Variants in MAPK8IP3 observed in about 807,000 individuals in gnomAD.
The protein encoded by MAPK8IP3 is C-Jun-amino-terminal kinase-interacting protein 3.
A neutral mutation model predicts 157.8 loss-of-function variants in MAPK8IP3; 49 were observed. That is an observed-to-expected ratio of 0.31 (90% CI 0.25 to 0.39). MAPK8IP3 has a LOEUF of 0.39. Ranked by LOEUF, MAPK8IP3 falls within the 10% of genes least tolerant of loss-of-function variation. The probability of loss-of-function intolerance (pLI) is 1.00; values close to 1 mark genes in which losing one functional copy is unlikely to be tolerated. For missense variants in MAPK8IP3, 1,478 were observed against 1,889.4 expected, an observed-to-expected ratio of 0.78 and a Z score of 4.04; for synonymous variants, 897 against 777.7, an observed-to-expected ratio of 1.15 and a Z score of -2.55.
chr16:1,744,639 T>C (rs1475283358), intron 5 of MAPK8IP3: 14 of 985,532 alleles, frequency 1.4e-5, no homozygotes, highest in African/African-American at 1.7e-5. Flanking sequence ...GACCTGCCCA[T>C]AGGCATCTGA....
chr16:1,727,754 T>A (rs2038987425), intron 2 of MAPK8IP3, among the ~76,000 whole-genome samples: 1 of 152,164 alleles, frequency 6.6e-6, no homozygotes, highest in African/African-American at 2.4e-5. Flanking sequence ...GCGCCAGCAG[T>A]GCAGCTTCCC....
intron 4 of MAPK8IP3, among the ~76,000 whole-genome samples, chr16:1,740,432 C>T (rs1226602317): frequency 3.4e-5 from 5 of 146,572 alleles, no homozygotes; most frequent in African/African-American, 1.3e-4. Context: ...CTGCCCACAC[C>T]CTCTAACACC....
chr16:1,745,115 C>T, intron 5 of MAPK8IP3: 5 of 985,398 alleles, frequency 5.1e-6, no homozygotes, highest in Non-Finnish European at 6.0e-6. Context: ...TAAGTTGTGG[C>T]CAGGGGGAGT....
At chr16:1,767,396 T>A (rs2575368) in intron 26 of MAPK8IP3, 99 bp downstream of exon 26, 1 of 1,541,916 alleles carries the variant, frequency 6.5e-7, no homozygotes, top group Non-Finnish European at 8.8e-7. Context: ...CCTACGTGGG[T>A]CCCATCTCCC....
Position 1,748,725 on chromosome 16 carries a change from G to A in MAPK8IP3, c.1216+5G>A, listed in dbSNP as rs767965449. ...ACGAAGGGGCCGACCTCCTAGGTAA[G>A]CGCAAGCCTTCCCCCGCACCGCTGT... On this transcript the variant is annotated splice_donor_5th_base_variant and intron_variant, in intron 8 of 31. Coordinates refer to ENST00000610761, the MANE Select transcript of MAPK8IP3 (RefSeq NM_001318852.2). 3.1e-6 allele frequency: 5 copies of A among 1,610,324 alleles called. No individual in the cohort carries two copies. In the African/African-American group the frequency reaches 4.0e-5, roughly 13 times the overall value.
chr16:1,709,716 G>A (rs1246878396), intron 1 of MAPK8IP3, among the ~76,000 whole-genome samples: 1 of 152,388 alleles, frequency 6.6e-6, no homozygotes, highest in East Asian at 1.9e-4. Flanking sequence ...CGCACCGTCC[G>A]GTGCAGCTCC....
At chr16:1,731,166 A>T (rs934436740) in intron 4 of MAPK8IP3, among the ~76,000 whole-genome samples, 4 of 151,934 alleles carry the variant, frequency 2.6e-5, no homozygotes, top group African/African-American at 9.7e-5. Context: ...ATAATAAATC[A>T]TAAAAATAAC....
intron 13 of MAPK8IP3, among the ~76,000 whole-genome samples, chr16:1,761,913 G>C (rs1201702867): frequency 6.6e-6 from 1 of 152,222 alleles, no homozygotes; most frequent in South Asian, 2.1e-4. Context: ...CGGCGCTTCT[G>C]TCTCTGTACA....
chr16:1,768,498 A>G lies in MAPK8IP3; in HGVS notation c.3764A>G (p.Asn1255Ser). The G allele has an allele frequency of 6.4e-7, 1 of 1,561,050 alleles. No homozygotes were observed. Among genetic ancestry groups the G allele is most frequent in the East Asian group, 2.4e-5 (1 of 41,882 alleles). The stretch of plus-strand genomic sequence containing the variant: ...CCAGGGAACGTGCTGGCCACCCTGA[A>G]TGGGAGTGTGCTGGACAGCCCAGCC... The part of the protein sequence containing the change: ...SVPGNVLATL[N>S]GSVLDSPAEG... Residue 1255 changes from asparagine to serine, a missense_variant, in exon 31 of 32, where the codon AAT (asparagine) becomes AGT (serine). Asn to Ser is a conservative substitution (Grantham distance 46, BLOSUM62 1). Transcript: ENST00000610761.
chr16:1,762,366 G>T lies in MAPK8IP3; in HGVS notation c.1555G>T (p.Ala519Ser). 1 of 1,576,676 alleles carries T rather than the reference G, an allele frequency of 6.3e-7. No homozygotes were observed. ...LCTESDKIPM[A>S]QRRRFTRVEM... is the part of the protein sequence containing the mutation. ...CCCTCCGCAGGACAAAATCCCCATG[G>T]CCCAGCGCCGCCGCTTCACGCGGGT... is the stretch of plus-strand genomic sequence containing the variant. The change falls in exon 14 of 32, where the codon GCC becomes TCC. Residue 519 changes from alanine (A) to serine (S), a missense_variant. Transcript: ENST00000610761.
At chr16:1,747,383 G>A (rs137946324) in intron 6 of MAPK8IP3, 108 bp downstream of exon 6, 1,167 of 1,459,408 alleles carry the variant, frequency 8.0e-4, no homozygotes, top group Non-Finnish European at 9.6e-4. Context: ...CAGCAGAGAC[G>A]TGTTCCTCAC....
intron 4 of MAPK8IP3, among the ~76,000 whole-genome samples, chr16:1,737,601 C>CATCT (rs2040091732): frequency 1.7e-5 from 1 of 58,126 alleles, no homozygotes; most frequent in African/African-American, 7.3e-5. Context: ...TCCGTGTGAG[C>CATCT]GTGTGACCGT....
chr16:1,733,096 G>T (rs2039422674), intron 4 of MAPK8IP3, among the ~76,000 whole-genome samples: 1 of 152,216 alleles, frequency 6.6e-6, no homozygotes, highest in South Asian at 2.1e-4. Context: ...CGGGATCTTT[G>T]TGTTGTTTTT....
At chr16:1,735,695 GT>G (rs2039684104) in intron 4 of MAPK8IP3, among the ~76,000 whole-genome samples, 1 of 143,582 alleles carries the variant, frequency 7.0e-6, no homozygotes. Flanking sequence ...GAGCGTCTGT[GT>G]GCCTGTCCGT....
chr16:1,747,447 C>T (rs986692761), intron 6 of MAPK8IP3, among the ~76,000 whole-genome samples, 172 bp downstream of exon 6: 19 of 152,290 alleles, frequency 1.2e-4, no homozygotes, highest in African/African-American at 4.6e-4. Flanking sequence ...GTTCCTCCTG[C>T]GGCCACTCCT....
At chr16:1,768,424 GGCC>G in intron 30 of MAPK8IP3, 46 bp downstream of exon 30, 2 of 1,596,846 alleles carry the variant, frequency 1.3e-6, no homozygotes, top group Non-Finnish European at 1.7e-6. Flanking sequence ...GCATGCCAGT[GGCC>G]GCCGCCTCCC....
At chr16:1,764,548 C>T (rs2042145866) in intron 19 of MAPK8IP3, 89 bp downstream of exon 19, 1 of 1,490,372 alleles carries the variant, frequency 6.7e-7, no homozygotes, top group Non-Finnish European at 9.0e-7. Context: ...AGACACAGGA[C>T]AGCTGGGGAC....
In MAPK8IP3 at chr16:1,743,440, T is replaced by C; in HGVS notation, c.711T>C (p.Ser237=). The stretch of plus-strand genomic sequence containing the variant: ...CTGCGGGGGACCACTGGCACCTGAG[T>C]GACCTCGGCCAGCTGCAGTCCAGCT... ...LVPAGDHWHL[S]DLGQLQSSSS... Residue 237 remains serine, a synonymous_variant, in exon 5 of 32, where the codon AGT becomes AGC. Transcript: ENST00000610761. This position sits in a 1 kb window ranked among gnomAD's most constrained non-coding sequence, Gnocchi z 5.6. The C allele has an allele frequency of 6.2e-7, 1 of 1,609,300 alleles. No homozygotes were observed. Among genetic ancestry groups the C allele is most frequent in the Non-Finnish European group, 8.5e-7 (1 of 1,178,420 alleles).
Position 1,768,528 on chromosome 16 carries a change from GCCCTGGGCCAGCTGCCCCTGC to G in MAPK8IP3, c.3796_3816del (p.Pro1266_Ala1272del). ...AGTGTGCTGGACAGCCCAGCCGAGG[GCCCTGGGCCAGCTGCCCCTGC>G]CTCGGAGGTCGAGGGCCAGAAGCTG... On this transcript the variant is annotated inframe_deletion, in exon 31 of 32. Coordinates refer to ENST00000610761, the MANE Select transcript of MAPK8IP3 (RefSeq NM_001318852.2). The G allele has an allele frequency of 6.4e-7, 1 of 1,559,586 alleles. No individual in the cohort carries two copies.
Sources: gnomAD v4.1 joint callset for allele counts (sites outside exome capture counted in the v4.1 genomes callset) on GRCh38, gnomAD v4.1.1 for gene constraint, Gnocchi (gnomAD v3.1) non-coding constraint, MANE v1.5 for transcripts, NCBI Gene and HGNC (gene_info 2026-07-23, HGNC 2026-07-21) for gene names.